The following ANKFY1 variants were observed in gnomAD, a reference collection of about 807,000 sequenced individuals.
ANKFY1 encodes the protein ankyrin repeat and FYVE domain containing 1, also known as ankyrin repeat and FYVE domain-containing protein 1.
Under a neutral mutation model 128.3 loss-of-function variants are expected in ANKFY1, and 47 were observed. The ratio of observed to expected loss-of-function variants is 0.37; its 90% CI spans 0.29 to 0.47. ANKFY1 has a LOEUF of 0.47. Among genes scored for constraint, ANKFY1 ranks in the 20% least tolerant of loss-of-function variants. ANKFY1 has a pLI of 1.00. For missense variants in ANKFY1, 1,222 were observed against 1,510.6 expected, an observed-to-expected ratio of 0.81 and a Z score of 3.17; for synonymous variants, 553 against 601.6, an observed-to-expected ratio of 0.92 and a Z score of 1.18.
intron 1 of ANKFY1, among the ~76,000 whole-genome samples, chr17:4,263,317 G>T (rs974759293): frequency 1.3e-5 from 2 of 152,212 alleles, no homozygotes; most frequent in African/African-American, 4.8e-5. Flanking sequence ...GCCCTCTTGT[G>T]AGCAGTGTGA....
Position 4,182,178 on chromosome 17 carries a change from C to T in ANKFY1, c.2121+3G>A. 6.6e-7 allele frequency: 1 copy of T among 1,514,788 alleles called. No homozygotes were observed. The highest frequency in any genetic ancestry group is 1.4e-5 in the South Asian group (1 of 73,336). The allele number at this position is 1,514,788 out of a possible 1,614,324, so 93.8% of individuals were successfully genotyped here. ...ACAGAGGCTAACGTTGTGCCTGTCT[C>T]ACCAGAGTGGATGCGATGTCCTCCA... On this transcript the variant is annotated splice_donor_region_variant and intron_variant, in intron 15 of 24. Transcript: ENST00000341657.
At position 4,170,719 on chromosome 17, in the gene ANKFY1, C is replaced by T; in HGVS notation, c.3282G>A (p.Leu1094=). ...AGCAGAGAGCGGGCCACTCACCCAG[C>T]AGTCGGAACAGGAGCTGCTTGGTGG... ...QVATKQLLFR[L]LDMLSKEPPW... Residue 1094 remains leucine, a synonymous_variant, in exon 23 of 25, where the codon CTG becomes CTA. Coordinates refer to ENST00000341657, the MANE Select transcript of ANKFY1 (RefSeq NM_001330063.2). The T allele has an allele frequency of 1.2e-6, 2 of 1,608,408 alleles. No homozygotes were observed. The highest frequency in any genetic ancestry group is 1.7e-6 in the Non-Finnish European group (2 of 1,176,920).
chr17:4,224,913 T>C (rs1384477771), intron 3 of ANKFY1, among the ~76,000 whole-genome samples: 1 of 148,948 alleles, frequency 6.7e-6, no homozygotes, highest in Non-Finnish European at 1.5e-5. Flanking sequence ...AGAATAGTGC[T>C]ATGCACAGAG....
chr17:4,194,989 T>C lies in ANKFY1; in HGVS notation c.1361A>G (p.Asp454Gly). 6.2e-7 allele frequency: 1 copy of C among 1,614,220 alleles called. No homozygotes were observed. Among genetic ancestry groups the C allele is most frequent in the African/African-American group, 1.3e-5 (1 of 75,056 alleles). ...GGCACGTGCTTTACCTGTCGCCGTG[T>C]CAGGTGCGTCTGTGTGGCTGCCGCG... ...IQRGSHTDAP[D>G]TATGNCLLQR... The change falls in exon 10 of 25, where the codon GAC (aspartate) becomes GGC (glycine). Residue 454 changes from aspartate (D) to glycine (G), a missense_variant. Asp to Gly is a moderately conservative substitution (Grantham distance 94). Transcript: ENST00000341657.
At chr17:4,220,120 C>G (rs538447620) in intron 3 of ANKFY1, among the ~76,000 whole-genome samples, 1 of 152,130 alleles carries the variant, frequency 6.6e-6, no homozygotes, top group Admixed American at 6.5e-5. Flanking sequence ...CCACCCTGCC[C>G]GGCCAGTAGT....
intron 8 of ANKFY1, 100 bp downstream of exon 8, chr17:4,197,273 C>A (rs2059843019): frequency 3.9e-6 from 5 of 1,275,696 alleles, no homozygotes; most frequent in East Asian, 2.4e-5. Context: ...TGAATAATGC[C>A]AAACTAAAGA....
chr17:4,262,925 T>G (rs1968499627), intron 1 of ANKFY1, among the ~76,000 whole-genome samples: 1 of 152,104 alleles, frequency 6.6e-6, no homozygotes, highest in African/African-American at 2.4e-5. Flanking sequence ...TGCCCAAATC[T>G]AAGATCCATC....
At chr17:4,197,888 G>A (rs1399613212) in intron 7 of ANKFY1, among the ~76,000 whole-genome samples, 1 of 152,168 alleles carries the variant, frequency 6.6e-6, no homozygotes, top group Admixed American at 6.5e-5. Flanking sequence ...CCAACACTTT[G>A]GGAGGCCGAG....
intron 13 of ANKFY1, 63 bp from the exon 14 acceptor site, chr17:4,183,614 C>A (rs1479564484): frequency 2.1e-5 from 34 of 1,589,712 alleles, no homozygotes; most frequent in Admixed American, 3.4e-5. Context: ...CATCTTACTA[C>A]AACAGCCAGA....
chr17:4,192,447 G>T (rs1378443844), intron 10 of ANKFY1, among the ~76,000 whole-genome samples: 2 of 150,632 alleles, frequency 1.3e-5, no homozygotes, highest in Non-Finnish European at 3.0e-5. Flanking sequence ...TTAGTTGATG[G>T]TTGCTCTAAT....
At chr17:4,223,787 C>T in intron 3 of ANKFY1, 1 of 1,509,702 alleles carries the variant, frequency 6.6e-7, no homozygotes, top group East Asian at 2.3e-5. Context: ...GCAGCTGGTA[C>T]AGTGTCTCAC....
At chr17:4,242,552 CA>C in intron 1 of ANKFY1, 104 bp from the exon 2 acceptor site, 1 of 997,996 alleles carries the variant, frequency 1.0e-6, no homozygotes, top group Non-Finnish European at 1.4e-6. Flanking sequence ...AGTGACTGGC[CA>C]CTTGACCGTT....
At position 4,263,509 on chromosome 17, in the gene ANKFY1, C is replaced by T. The variant is rs2325881; in HGVS notation, c.10+423G>A. On this transcript the variant is annotated intron_variant, in intron 1 of 24. Transcript: ENST00000341657. The stretch of plus-strand genomic sequence containing the variant: ...CCCCAACCCAGCCCGAGGAGACCCA[C>T]GCTCTTCCGCAAGCGAGGGATGGAC... The T allele has an allele frequency of 0.61, 862,618 of 1,425,698 alleles. 268,569 individuals carry two copies. Among genetic ancestry groups the T allele is most frequent in the East Asian group, 0.77 (25,791 of 33,414 alleles). The allele number at this position is 1,425,698 out of a possible 1,614,324, so 88.3% of individuals were successfully genotyped here.
intron 7 of ANKFY1, among the ~76,000 whole-genome samples, chr17:4,204,755 C>T (rs1479455583): frequency 3.3e-5 from 5 of 151,698 alleles, no homozygotes; most frequent in African/African-American, 7.3e-5. Flanking sequence ...ATCTCAGACA[C>T]GAAACAGTGT....
chr17:4,192,676 C>T (rs1025345921), intron 10 of ANKFY1, among the ~76,000 whole-genome samples: 2 of 152,154 alleles, frequency 1.3e-5, no homozygotes, highest in African/African-American at 4.8e-5. Flanking sequence ...TTCCACTGTA[C>T]ACAAGACTTA....
chr17:4,245,858 A>G (rs891274922), intron 1 of ANKFY1, among the ~76,000 whole-genome samples: 5 of 152,138 alleles, frequency 3.3e-5, no homozygotes, highest in African/African-American at 1.2e-4. Context: ...AGTCTGGCCA[A>G]TATGGTGAAA....
chr17:4,192,578 TG>T (rs1333614556), intron 10 of ANKFY1, among the ~76,000 whole-genome samples: 3 of 151,120 alleles, frequency 2.0e-5, no homozygotes, highest in African/African-American at 7.3e-5. Flanking sequence ...TACTCTAATC[TG>T]GAGACTCCTA....
At chr17:4,241,253 T>C (rs969729683) in intron 2 of ANKFY1, among the ~76,000 whole-genome samples, 3 of 66,130 alleles carry the variant, frequency 4.5e-5, no homozygotes, top group African/African-American at 1.4e-4. Flanking sequence ...AGTCGCCAGC[T>C]GAGCTTCTTC....
rs374645477 is a variant in ANKFY1, at chr17:4,195,370, C to T, written c.1172+33G>A. On this transcript the variant is annotated intron_variant, in intron 9 of 24. Coordinates refer to ENST00000341657, the MANE Select transcript of ANKFY1 (RefSeq NM_001330063.2). ...TTCACTCACAATCCCCCCTCACAAC[C>T]GCCTTCTCACTTGTGCGTGTCTCCC... 8.5e-5 allele frequency: 136 copies of T among 1,598,164 alleles called. No individual in the cohort carries two copies. In the African/African-American group the frequency reaches 1.5e-3, roughly 18 times the overall value.
Sources: allele counts gnomAD v4.1 joint callset (sites outside exome capture counted in the v4.1 genomes callset), GRCh38; gene constraint gnomAD v4.1.1; transcripts MANE v1.5; gene names NCBI Gene and HGNC (gene_info 2026-07-23, HGNC 2026-07-21).